The following GRM1 variants were observed in gnomAD, a reference collection of about 807,000 sequenced individuals.
GRM1 encodes the protein metabotropic glutamate receptor 1.
Under a neutral mutation model 90.9 loss-of-function variants are expected in GRM1, and 33 were observed. That is an observed-to-expected ratio of 0.36 (90% CI 0.28 to 0.49). GRM1 has a LOEUF of 0.49. GRM1 is among the 20% of genes least tolerant of loss of function. GRM1 has a pLI of 0.99. For synonymous variants in GRM1, 700 were observed against 613.2 expected, an observed-to-expected ratio of 1.14 and a Z score of -2.09; for missense variants, 1,190 against 1,534.3, an observed-to-expected ratio of 0.78 and a Z score of 3.75.
intron 1 of GRM1, among the ~76,000 whole-genome samples, chr6:146,155,903 A>C (rs186184342): frequency 5.1e-4 from 77 of 152,332 alleles, no homozygotes; most frequent in African/African-American, 1.8e-3. Flanking sequence ...GGAGTGACAA[A>C]ATCAGATTTA....
At chr6:146,310,026 G>A (rs1783720116) in intron 3 of GRM1, among the ~76,000 whole-genome samples, 1 of 152,114 alleles carries the variant, frequency 6.6e-6, no homozygotes. Context: ...AGAACAGATG[G>A]ACACAATGAC....
chr6:146,107,735 G>A (rs185336861), intron 1 of GRM1, among the ~76,000 whole-genome samples: 4 of 152,196 alleles, frequency 2.6e-5, no homozygotes, highest in East Asian at 3.9e-4. Flanking sequence ...TGGAGTCTGC[G>A]AGTTACCTTC....
intron 1 of GRM1, among the ~76,000 whole-genome samples, chr6:146,134,084 T>G (rs1776514369): frequency 6.6e-6 from 1 of 152,232 alleles, no homozygotes; most frequent in Non-Finnish European, 1.5e-5. Flanking sequence ...AGGCACAGTG[T>G]GTCACCCCTC....
chr6:146,427,017 G>A (rs1345140446), intron 7 of GRM1, among the ~76,000 whole-genome samples: 6 of 151,588 alleles, frequency 4.0e-5, no homozygotes, highest in African/African-American at 7.3e-5. Context: ...GCCTTTTTGC[G>A]GTTGCACAAA....
At chr6:146,167,343 T>G (rs950328663) in intron 2 of GRM1, among the ~76,000 whole-genome samples, 4 of 152,192 alleles carry the variant, frequency 2.6e-5, no homozygotes, top group Non-Finnish European at 4.4e-5. Context: ...AGTCCTGCTG[T>G]GAACATTCTT....
At chr6:146,374,001 G>C (rs1032146268) in intron 5 of GRM1, among the ~76,000 whole-genome samples, 2 of 152,150 alleles carry the variant, frequency 1.3e-5, no homozygotes, top group Admixed American at 1.3e-4. Context: ...CTGTGGGTCT[G>C]TAATACATGG....
intron 2 of GRM1, among the ~76,000 whole-genome samples, chr6:146,295,603 A>ATAG (rs1783149167): frequency 6.6e-6 from 1 of 152,160 alleles, no homozygotes; most frequent in Admixed American, 6.5e-5. Context: ...TAGGTTTTGT[A>ATAG]TCTAGTTTTA....
intron 3 of GRM1, among the ~76,000 whole-genome samples, chr6:146,330,840 A>G (rs1784563283): frequency 6.6e-6 from 1 of 152,178 alleles, no homozygotes; most frequent in Non-Finnish European, 1.5e-5. Context: ...GTGAGTGTGT[A>G]AGAACATGCT....
Position 146,119,293 on chromosome 6 carries a change from T to A in GRM1, c.701-40055T>A, listed in dbSNP as rs182650137. Among the ~76,000 whole-genome samples, 886 of 152,322 alleles carry A rather than the reference T, an allele frequency of 5.8e-3. 3 individuals are homozygous for A. The highest frequency in any genetic ancestry group is 9.5e-3 in the Non-Finnish European group (646 of 68,028). On this transcript the variant is annotated intron_variant, in intron 1 of 7. Coordinates refer to ENST00000282753, the MANE Select transcript of GRM1 (RefSeq NM_001278064.2). ...GCCCACTTTTTGATGGGGTTGTTTG[T>A]TTTTTTCTTGTAAATTTGTTTGAGT...
chr6:146,293,003 A>G (rs555709667), intron 2 of GRM1, among the ~76,000 whole-genome samples: 2 of 152,152 alleles, frequency 1.3e-5, no homozygotes, highest in South Asian at 4.1e-4. Flanking sequence ...TGCTAAATAA[A>G]AGAAGCTGGA....
At chr6:146,287,740 A>G (rs558693066) in intron 2 of GRM1, among the ~76,000 whole-genome samples, 1 of 152,170 alleles carries the variant, frequency 6.6e-6, no homozygotes, top group African/African-American at 2.4e-5. Flanking sequence ...ATAGAAGAAG[A>G]GGTCAGAGTT....
intron 1 of GRM1, among the ~76,000 whole-genome samples, chr6:146,050,847 C>T (rs921639998): frequency 6.6e-5 from 10 of 152,016 alleles, no homozygotes; most frequent in Non-Finnish European, 1.3e-4. Flanking sequence ...CGGTATTAGG[C>T]TCATTTGATT....
rs907018668 is a variant in GRM1 at position 146,392,948 on chromosome 6, G to A, written c.1730-5821G>A. 2.0e-5 allele frequency among the ~76,000 whole-genome samples: 3 copies of A among 152,128 alleles called. No homozygotes were observed. In the South Asian group the frequency reaches 6.2e-4, roughly 31 times the overall value. ...ATCTAGTCTATCATTGTGGGCATTT[G>A]GGTTGGTTCCAAGTTTTTGCTATTG... On this transcript the variant is annotated intron_variant, in intron 6 of 7. Coordinates refer to ENST00000282753, the MANE Select transcript of GRM1 (RefSeq NM_001278064.2).
intron 1 of GRM1, among the ~76,000 whole-genome samples, chr6:146,074,545 T>C (rs1261324628): frequency 2.0e-5 from 3 of 152,166 alleles, no homozygotes; most frequent in African/African-American, 7.2e-5. Context: ...GTGGGATATT[T>C]TGTGAGCATT....
intron 2 of GRM1, among the ~76,000 whole-genome samples, chr6:146,206,861 T>C (rs1779513595): frequency 6.6e-6 from 1 of 152,120 alleles, no homozygotes; most frequent in Admixed American, 6.5e-5. Flanking sequence ...TGTTCATTAG[T>C]TCTTATCATT....
intron 1 of GRM1, among the ~76,000 whole-genome samples, chr6:146,129,258 A>G (rs1776302949): frequency 1.3e-5 from 2 of 152,210 alleles, no homozygotes; most frequent in Non-Finnish European, 1.5e-5. Flanking sequence ...CCATGTTCCT[A>G]CAGCTTGCAT....
At chr6:146,318,509 G>T (rs1784059737) in intron 3 of GRM1, among the ~76,000 whole-genome samples, 1 of 152,132 alleles carries the variant, frequency 6.6e-6, no homozygotes, top group Non-Finnish European at 1.5e-5. Flanking sequence ...AATCCTTTGG[G>T]TATATACCCA....
intron 1 of GRM1, among the ~76,000 whole-genome samples, chr6:146,137,546 A>T (rs1327930863): frequency 6.6e-6 from 1 of 152,160 alleles, no homozygotes; most frequent in Non-Finnish European, 1.5e-5. Flanking sequence ...TAACAGTATC[A>T]TGCTGTTTTG....
chr6:146,428,365 G>T lies in GRM1; in HGVS notation c.2661-5507G>T, dbSNP rs78719081. Among the ~76,000 whole-genome samples the T allele has an allele frequency of 2.0e-5, 3 of 152,294 alleles. No homozygotes were observed. The East Asian group carries it at 5.8e-4, about 29-fold the overall frequency. On this transcript the variant is annotated intron_variant, in intron 7 of 7. Transcript: ENST00000282753. ...GTCTGTCTAGATCTATCCTACTCCTGAGAAATAATCCCAACAGAGCAATGC... is the reference window on the plus strand; with the variant it reads ...GTCTGTCTAGATCTATCCTACTCCTTAGAAATAATCCCAACAGAGCAATGC...
Sources: gnomAD v4.1 joint callset for allele counts (sites outside exome capture counted in the v4.1 genomes callset) on GRCh38, gnomAD v4.1.1 for gene constraint, MANE v1.5 for transcripts, NCBI Gene and HGNC (gene_info 2026-07-23, HGNC 2026-07-21) for gene names.